UBE2F: variants seen among roughly 807,000 people sequenced by gnomAD.
The protein encoded by UBE2F is NEDD8-conjugating enzyme UBE2F.
In UBE2F, 5 loss-of-function variants were observed where a neutral mutation model predicts 29.6. The observed-to-expected ratio is 0.17, with a 90% CI of 0.09 to 0.36. The LOEUF is 0.36. UBE2F is among the 10% of genes least tolerant of loss of function. The pLI is 1.00. For missense variants in UBE2F, 141 were observed against 228.5 expected, an observed-to-expected ratio of 0.62 and a Z score of 2.47; for synonymous variants, 66 against 81.8, an observed-to-expected ratio of 0.81 and a Z score of 1.04.
chr2:238,008,191 C>G (rs1277481882), intron 4 of UBE2F, among the ~76,000 whole-genome samples: 1 of 152,084 alleles, frequency 6.6e-6, no homozygotes, highest in African/African-American at 2.4e-5. Context: ...AGGCTGGTCT[C>G]GAACCCTTGG....
rs2064855674 is a variant in UBE2F, at chr2:238,042,724, C to G, written c.*1386C>G. ...TAGAATCTCTGATTGTGAGATCAGTCTGTCACGGAGACCCAGCAGGTGAGG... is the reference window on the plus strand; with the variant it reads ...TAGAATCTCTGATTGTGAGATCAGTGTGTCACGGAGACCCAGCAGGTGAGG... On this transcript the variant is annotated 3_prime_UTR_variant, in exon 10 of 10. Coordinates refer to ENST00000272930, the MANE Select transcript of UBE2F (RefSeq NM_080678.3). 6.6e-6 allele frequency: 1 copy of G among 152,260 alleles called. No individual in the cohort carries two copies. The highest frequency in any genetic ancestry group is 1.5e-5 in the Non-Finnish European group (1 of 68,084). 9.4% of individuals were successfully genotyped at this position (152,260 alleles called of 1,614,324 possible). A position where few individuals can be genotyped will look rare whatever the true frequency, so the allele number is the denominator to read the frequency against.
chr2:238,014,027 C>G (rs751612924), intron 4 of UBE2F, among the ~76,000 whole-genome samples: 6 of 152,190 alleles, frequency 3.9e-5, no homozygotes, highest in African/African-American at 1.4e-4. Context: ...TACCTGCCGG[C>G]TGTGGAAGTG....
rs755061959 is a variant in UBE2F, at chr2:237,994,693, A to G, written c.149-51A>G. 13 of 1,462,746 alleles carry G rather than the reference A, an allele frequency of 8.9e-6. 1 individual carries two copies. In the South Asian group the frequency reaches 1.3e-4, roughly 14 times the overall value. 90.6% of individuals were successfully genotyped at this position (1,462,746 alleles called of 1,614,324 possible). A position where few individuals can be genotyped will look rare whatever the true frequency, so the allele number is the denominator to read the frequency against. ...CGTGTTCAAAGGTTAGCGTCAACAT[A>G]TGGACTGCTGCTCACTGCCAGACCT... On this transcript the variant is annotated intron_variant, in intron 3 of 9. Transcript: ENST00000272930.
chr2:237,993,533 C>T (rs1306896511), intron 3 of UBE2F, among the ~76,000 whole-genome samples: 6 of 151,974 alleles, frequency 3.9e-5, no homozygotes, highest in Non-Finnish European at 8.8e-5. Context: ...GGTAACATGG[C>T]GAAAACCTGT....
chr2:237,981,981 G>T (rs912693028), intron 2 of UBE2F, among the ~76,000 whole-genome samples: 1 of 152,122 alleles, frequency 6.6e-6, no homozygotes, highest in African/African-American at 2.4e-5. Flanking sequence ...ATTGGTCAAG[G>T]TTAGGGCTGG....
At chr2:238,016,311 C>A (rs2064151203) in intron 4 of UBE2F, among the ~76,000 whole-genome samples, 1 of 152,102 alleles carries the variant, frequency 6.6e-6, no homozygotes, top group Non-Finnish European at 1.5e-5. Flanking sequence ...ATGTCCCTTC[C>A]CTTCCCTGAG....
intron 2 of UBE2F, among the ~76,000 whole-genome samples, chr2:237,974,057 A>G (rs1039920830): frequency 2.2e-4 from 34 of 152,254 alleles, no homozygotes; most frequent in Middle Eastern, 3.4e-3. Context: ...GCGGTGGCAC[A>G]ATCTTGGCTC....
Position 237,994,796 on chromosome 2 carries a change from A to G in UBE2F, c.201A>G (p.Leu67=). Residue 67 remains leucine, a synonymous_variant, in exon 4 of 10, where the codon CTA becomes CTG. Coordinates refer to ENST00000272930, the MANE Select transcript of UBE2F (RefSeq NM_080678.3). ...PDPNKLHCFQ[L]TVTPDEGYYQ... Reference sequence around the variant, plus strand: ...CAAACAAGCTTCATTGTTTTCAGCTAACAGTAACCCCAGGTAATATTCTTA... The same window carrying G: ...CAAACAAGCTTCATTGTTTTCAGCTGACAGTAACCCCAGGTAATATTCTTA... 6.2e-7 allele frequency: 1 copy of G among 1,613,976 alleles called. No individual in the cohort carries two copies. Among genetic ancestry groups the G allele is most frequent in the East Asian group, 2.2e-5 (1 of 44,882 alleles).
intron 1 of UBE2F, among the ~76,000 whole-genome samples, chr2:237,972,746 T>G (rs1461620055): frequency 6.6e-6 from 1 of 151,816 alleles, no homozygotes; most frequent in African/African-American, 2.4e-5. Flanking sequence ...AGAGACAGGG[T>G]TTTGCCATGT....
intron 4 of UBE2F, among the ~76,000 whole-genome samples, chr2:238,011,196 A>G (rs2106376350): frequency 6.6e-6 from 1 of 152,316 alleles, no homozygotes. Flanking sequence ...AGGGGCCTGC[A>G]GGGCCCAACA....
chr2:238,003,539 A>C (rs2063840674), intron 4 of UBE2F: 17 of 346,416 alleles, frequency 4.9e-5, no homozygotes, highest in South Asian at 3.8e-4. Flanking sequence ...TGAGTATGAC[A>C]TGAATTGTTT....
chr2:238,038,063 G>A (rs553632169), intron 9 of UBE2F, among the ~76,000 whole-genome samples: 2 of 152,230 alleles, frequency 1.3e-5, no homozygotes, highest in African/African-American at 4.8e-5. Context: ...GAGCTCAGGA[G>A]GTGCTGCCTG....
chr2:237,971,418 C>G (rs11694678), intron 1 of UBE2F, among the ~76,000 whole-genome samples: 131,558 of 152,254 alleles, frequency 0.86, 57,030 homozygotes, highest in East Asian at 0.97. Flanking sequence ...TGCCTCCCGG[C>G]TTCAAGTGAT....
intron 4 of UBE2F, among the ~76,000 whole-genome samples, chr2:237,997,730 A>C (rs1232054681): frequency 6.6e-6 from 1 of 152,192 alleles, no homozygotes; most frequent in African/African-American, 2.4e-5. Flanking sequence ...GCTCCTGTTC[A>C]CACTTGCTAA....
chr2:238,012,635 G>C (rs1484283068), intron 4 of UBE2F, among the ~76,000 whole-genome samples: 1 of 151,910 alleles, frequency 6.6e-6, no homozygotes, highest in African/African-American at 2.4e-5. Context: ...TGTCAAACTA[G>C]TCTGCGAAAT....
At chr2:237,970,686 G>A (rs2063157764) in intron 1 of UBE2F, among the ~76,000 whole-genome samples, 1 of 152,166 alleles carries the variant, frequency 6.6e-6, no homozygotes, top group South Asian at 2.1e-4. Flanking sequence ...CGTATTCTAT[G>A]TATTGTTTTC....
In UBE2F at chr2:238,017,373, C is replaced by T. The variant is rs183116017; in HGVS notation, c.282+740C>T. Among the ~76,000 whole-genome samples, 6 of 152,252 alleles carry T rather than the reference C, an allele frequency of 3.9e-5. No homozygotes were observed. In the East Asian group the frequency reaches 5.8e-4, roughly 15 times the overall value. On this transcript the variant is annotated intron_variant, in intron 5 of 9. Transcript: ENST00000272930. Reference sequence around the variant, plus strand: ...GAGGGTATTCTAGGTGACATGGAAACATGATGAACTGTGGTGACAGGTGTG... The same window carrying T: ...GAGGGTATTCTAGGTGACATGGAAATATGATGAACTGTGGTGACAGGTGTG...
chr2:237,996,648 G>T (rs866515844), intron 4 of UBE2F, among the ~76,000 whole-genome samples: 3 of 151,846 alleles, frequency 2.0e-5, no homozygotes, highest in Admixed American at 2.0e-4. Context: ...GCTAATTTTT[G>T]TATTTTTAGT....
At position 237,967,426 on chromosome 2, in the gene UBE2F, C is replaced by G. The variant is rs1453617022; in HGVS notation, c.-17+294C>G. On this transcript the variant is annotated intron_variant, in intron 1 of 9. Transcript: ENST00000272930. This position sits in a 1 kb window ranked among gnomAD's most constrained non-coding sequence, Gnocchi z 6.3. ...GCGGCGGCGGCGGCGGGGGACGGCC[C>G]GCGCCGAGCACCTGGTGTGAACCAG... Among the ~76,000 whole-genome samples the G allele has an allele frequency of 6.6e-6, 1 of 151,652 alleles. No homozygotes were observed. The highest frequency in any genetic ancestry group is 1.5e-5 in the Non-Finnish European group (1 of 67,854).
Sources: gnomAD v4.1 joint callset for allele counts (sites outside exome capture counted in the v4.1 genomes callset) on GRCh38, gnomAD v4.1.1 for gene constraint, Gnocchi (gnomAD v3.1) non-coding constraint, MANE v1.5 for transcripts, NCBI Gene and HGNC (gene_info 2026-07-23, HGNC 2026-07-21) for gene names.